SORCS1: variants seen among roughly 807,000 people sequenced by gnomAD.
SORCS1 encodes the protein sortilin related VPS10 domain containing receptor 1.
Under a neutral mutation model 146.1 loss-of-function variants are expected in SORCS1, and 60 were observed. That is an observed-to-expected ratio of 0.41 (90% confidence interval 0.33 to 0.51). SORCS1 has a LOEUF of 0.51. SORCS1 is among the 20% of genes least tolerant of loss of function. The pLI is 0.21. For synonymous variants in SORCS1, 637 were observed against 584.0 expected (o/e 1.09, Z -1.31); for missense variants, 1,352 against 1,487.6 (o/e 0.91, Z 1.50).
At chr10:106,915,274 C>G (rs994965329) in intron 2 of SORCS1, among the ~76,000 whole-genome samples, 2 of 152,162 alleles carry the variant, frequency 1.3e-5, no homozygotes, top group Non-Finnish European at 2.9e-5. Context: ...CACCTCTATC[C>G]CTTTAACTGG....
At chr10:106,764,752 G>A (rs969511838) in intron 4 of SORCS1, among the ~76,000 whole-genome samples, 2 of 152,018 alleles carry the variant, frequency 1.3e-5, no homozygotes, top group South Asian at 2.1e-4. Flanking sequence ...GGCCGGGCGC[G>A]GTGGCTCACG....
At chr10:107,109,968 A>T (rs1565056499) in intron 1 of SORCS1, among the ~76,000 whole-genome samples, 2 of 152,186 alleles carry the variant, frequency 1.3e-5, no homozygotes, top group Non-Finnish European at 2.9e-5. Flanking sequence ...GATCTTTAGG[A>T]CATAGATCAC....
intron 2 of SORCS1, among the ~76,000 whole-genome samples, chr10:106,891,111 G>C (rs1481244718): frequency 6.6e-6 from 1 of 152,068 alleles, no homozygotes; most frequent in Non-Finnish European, 1.5e-5. Flanking sequence ...AAAGCAACAT[G>C]GTTCCCGTAT....
intron 19 of SORCS1, among the ~76,000 whole-genome samples, chr10:106,626,864 A>G (rs1302399362): frequency 1.2e-4 from 19 of 152,236 alleles, no homozygotes; most frequent in Admixed American, 1.2e-3. Context: ...CCAGGCTTAG[A>G]AAGAAGTTCC....
intron 14 of SORCS1, among the ~76,000 whole-genome samples, chr10:106,674,713 T>A (rs962588216): frequency 6.6e-6 from 1 of 152,230 alleles, no homozygotes; most frequent in Admixed American, 6.5e-5. Context: ...TTGATGAAAC[T>A]ATGCTCTGAC....
At chr10:106,731,850 AGAAG>A (rs1012726913) in intron 5 of SORCS1, among the ~76,000 whole-genome samples, 23 of 152,254 alleles carry the variant, frequency 1.5e-4, no homozygotes, top group African/African-American at 5.5e-4. Context: ...GTGAAATGAA[AGAAG>A]GAAGGAATGA....
chr10:106,824,777 G>C (rs1025353826), intron 3 of SORCS1, among the ~76,000 whole-genome samples: 1 of 152,138 alleles, frequency 6.6e-6, no homozygotes, highest in African/African-American at 2.4e-5. Flanking sequence ...ATGCTGGTAT[G>C]TACCAAGAGA....
chr10:106,953,266 C>T (rs923387254), intron 2 of SORCS1, among the ~76,000 whole-genome samples: 1 of 151,804 alleles, frequency 6.6e-6, no homozygotes, highest in Non-Finnish European at 1.5e-5. Flanking sequence ...CGCAGATGCT[C>T]AAATTCCTGA....
chr10:106,894,472 T>C (rs1258506611), intron 2 of SORCS1, among the ~76,000 whole-genome samples: 1 of 152,200 alleles, frequency 6.6e-6, no homozygotes, highest in African/African-American at 2.4e-5. Flanking sequence ...CTTTATTAAA[T>C]GAGATCTGGT....
At chr10:107,139,072 A>G (rs181968455) in intron 1 of SORCS1, among the ~76,000 whole-genome samples, 1 of 152,312 alleles carries the variant, frequency 6.6e-6, no homozygotes, top group Admixed American at 6.5e-5. Context: ...GTAATTACCT[A>G]TCTCCCTAAT....
At chr10:106,931,703 T>C (rs763028624) in intron 2 of SORCS1, among the ~76,000 whole-genome samples, 14 of 152,170 alleles carry the variant, frequency 9.2e-5, no homozygotes, top group Admixed American at 3.3e-4. Flanking sequence ...CAGGGATAAG[T>C]CCTTTTTTTA....
chr10:106,865,236 C>T (rs1348228066), intron 2 of SORCS1, among the ~76,000 whole-genome samples: 2 of 152,168 alleles, frequency 1.3e-5, no homozygotes, highest in Non-Finnish European at 2.9e-5. Flanking sequence ...GGATCTCCAG[C>T]TACCTCCTAC....
chr10:106,596,999 G>T (rs186612154), intron 24 of SORCS1, among the ~76,000 whole-genome samples: 44 of 152,138 alleles, frequency 2.9e-4, no homozygotes, highest in African/African-American at 1.1e-3. Flanking sequence ...CTACAGGCAT[G>T]CACCACCCTG....
intron 16 of SORCS1, among the ~76,000 whole-genome samples, chr10:106,669,932 T>C (rs1310584401): frequency 3.3e-5 from 5 of 152,206 alleles, no homozygotes; most frequent in Admixed American, 2.6e-4. Context: ...TTCTAAGATA[T>C]GTGATGTGTA....
chr10:106,825,196 G>A (rs1948241445), intron 3 of SORCS1, among the ~76,000 whole-genome samples: 1 of 151,118 alleles, frequency 6.6e-6, no homozygotes, highest in African/African-American at 2.4e-5. Flanking sequence ...GACACACAGA[G>A]TATATAGAAG....
At chr10:106,926,826 TATACACACAC>T (rs1300446738) in intron 2 of SORCS1, among the ~76,000 whole-genome samples, 118 of 140,218 alleles carry the variant, frequency 8.4e-4, no homozygotes, top group Non-Finnish European at 1.2e-3. Flanking sequence ...AAGGAATATA[TATACACACAC>T]ACACACACAC....
chr10:106,820,700 G>A (rs1205046303), intron 3 of SORCS1, among the ~76,000 whole-genome samples: 4 of 152,270 alleles, frequency 2.6e-5, no homozygotes, highest in African/African-American at 9.6e-5. Flanking sequence ...TTCCTGTAGC[G>A]GACAGCATTC....
At chr10:106,910,700 A>C (rs1318307655) in intron 2 of SORCS1, among the ~76,000 whole-genome samples, 2 of 152,222 alleles carry the variant, frequency 1.3e-5, no homozygotes, top group Non-Finnish European at 2.9e-5. Context: ...ACATACAATA[A>C]TAATGTGACC....
chr10:106,873,603 A>G (rs1950494345), intron 2 of SORCS1, among the ~76,000 whole-genome samples: 1 of 151,896 alleles, frequency 6.6e-6, no homozygotes, highest in African/African-American at 2.4e-5. Flanking sequence ...TACCCCTGCC[A>G]AAGTCACCTA....
Sources: allele counts gnomAD v4.1 joint callset (sites outside exome capture counted in the v4.1 genomes callset), GRCh38; gene constraint gnomAD v4.1.1; transcripts MANE v1.5; gene names NCBI Gene and HGNC (gene_info 2026-07-23, HGNC 2026-07-21).